The following BMERB1 variants were observed in gnomAD, a reference collection of about 807,000 sequenced individuals.
BMERB1 encodes bMERB domain-containing protein 1.
In BMERB1, 12 loss-of-function variants were observed where a neutral mutation model predicts 23.6. The observed-to-expected ratio is 0.51, with a 90% CI of 0.33 to 0.82. BMERB1 has a LOEUF of 0.82. Ranked by LOEUF, BMERB1 falls within the 40% of genes least tolerant of loss-of-function variation. BMERB1 has a pLI of 0.03. For missense variants in BMERB1, 247 were observed against 255.4 expected, an observed-to-expected ratio of 0.97 and a Z score of 0.22; for synonymous variants, 122 against 96.6, an observed-to-expected ratio of 1.26 and a Z score of -1.54.
intron 1 of BMERB1, among the ~76,000 whole-genome samples, chr16:15,497,269 G>A (rs547809480): frequency 7.9e-5 from 12 of 152,272 alleles, no homozygotes; most frequent in Admixed American, 1.3e-4. Flanking sequence ...TATACAGCAG[G>A]GAAGAGATGT....
At chr16:15,546,024 C>T (rs546831600) in intron 2 of BMERB1, among the ~76,000 whole-genome samples, 19 of 152,182 alleles carry the variant, frequency 1.2e-4, no homozygotes, top group African/African-American at 4.6e-4. Flanking sequence ...CAGGGGCTCA[C>T]GCCTGTAATC....
chr16:15,489,905 C>T (rs1030352634), intron 1 of BMERB1, among the ~76,000 whole-genome samples: 3 of 152,056 alleles, frequency 2.0e-5, no homozygotes, highest in South Asian at 2.1e-4. Flanking sequence ...CTTGCTCTGT[C>T]GCCCAGGCTG....
chr16:15,567,071 G>T (rs999014229), intron 2 of BMERB1, among the ~76,000 whole-genome samples: 13 of 152,030 alleles, frequency 8.6e-5, no homozygotes, highest in African/African-American at 2.9e-4. Flanking sequence ...GTAGGGGGCT[G>T]GGGTTGGGAG....
chr16:15,545,121 C>A (rs935053796), intron 2 of BMERB1, among the ~76,000 whole-genome samples: 1 of 152,056 alleles, frequency 6.6e-6, no homozygotes, highest in Non-Finnish European at 1.5e-5. Context: ...TATAGGCACC[C>A]GCCACCACGC....
At position 15,587,535 on chromosome 16, in the gene BMERB1, A is replaced by G. The variant is rs756607603; in HGVS notation, c.*706A>G. The G allele has an allele frequency of 8.8e-5, 40 of 452,462 alleles. No homozygotes were observed. Among genetic ancestry groups the G allele is most frequent in the Non-Finnish European group, 1.5e-4 (34 of 224,578 alleles). 28.0% of individuals were successfully genotyped at this position (452,462 alleles called of 1,614,324 possible). On this transcript the variant is annotated 3_prime_UTR_variant, in exon 6 of 6. Transcript: ENST00000300006. The stretch of plus-strand genomic sequence containing the variant: ...GTGCCTGGAGGGGGCCTGGACTGGC[A>G]TGGATCCAGTGTGCAGAAGAGCCAG...
chr16:15,541,821 C>G (rs2052085191), intron 2 of BMERB1, among the ~76,000 whole-genome samples: 1 of 151,434 alleles, frequency 6.6e-6, no homozygotes, highest in Admixed American at 6.6e-5. Flanking sequence ...CCAGGATGGT[C>G]TCGATCTCCT....
intron 1 of BMERB1, among the ~76,000 whole-genome samples, chr16:15,486,183 C>A (rs1279192030): frequency 7.6e-6 from 1 of 131,990 alleles, no homozygotes; most frequent in African/African-American, 2.8e-5. Context: ...GCCTGGGCAA[C>A]AGAGCAAGAC....
chr16:15,517,238 G>A (rs2051772266), intron 2 of BMERB1, among the ~76,000 whole-genome samples: 1 of 152,208 alleles, frequency 6.6e-6, no homozygotes, highest in African/African-American at 2.4e-5. Flanking sequence ...GCCAGGTGTG[G>A]TGGCTCACAT....
Position 15,484,038 on chromosome 16 carries a change from A to G in BMERB1, c.107-31267A>G, listed in dbSNP as rs185843038. 3.0e-3 allele frequency among the ~76,000 whole-genome samples: 452 copies of G among 152,348 alleles called. 5 individuals are homozygous for G. Among genetic ancestry groups the G allele is most frequent in the African/African-American group, 0.011 (437 of 41,582 alleles). The stretch of plus-strand genomic sequence containing the variant: ...GAAGGTGAAGGGGAACAGACATCAC[A>G]TGTCAAGAGAGAGGAAGAGAAAAGA... On this transcript the variant is annotated intron_variant, in intron 1 of 5. Transcript: ENST00000300006.
intron 2 of BMERB1, among the ~76,000 whole-genome samples, chr16:15,553,232 T>G (rs1018493083): frequency 7.2e-5 from 11 of 152,242 alleles, no homozygotes; most frequent in African/African-American, 2.7e-4. Context: ...GGTCTTGAAC[T>G]CGTGACCTGA....
intron 1 of BMERB1, among the ~76,000 whole-genome samples, chr16:15,470,953 C>G (rs928736746): frequency 8.1e-5 from 12 of 148,592 alleles, no homozygotes; most frequent in African/African-American, 2.7e-4. Flanking sequence ...TCTCCTGCCT[C>G]AGACTCCCGA....
intron 3 of BMERB1, among the ~76,000 whole-genome samples, chr16:15,572,672 C>A (rs912777192): frequency 6.6e-6 from 1 of 152,160 alleles, no homozygotes; most frequent in Non-Finnish European, 1.5e-5. Context: ...AACCCCAATG[C>A]AATTGATCTG....
intron 1 of BMERB1, among the ~76,000 whole-genome samples, chr16:15,459,875 G>C (rs1160980000): frequency 6.6e-6 from 1 of 152,172 alleles, no homozygotes; most frequent in African/African-American, 2.4e-5. Context: ...TTAAGAGCCC[G>C]TTTTAAACAT....
chr16:15,539,103 A>G (rs2052054832), intron 2 of BMERB1, among the ~76,000 whole-genome samples: 1 of 152,012 alleles, frequency 6.6e-6, no homozygotes, highest in African/African-American at 2.4e-5. Flanking sequence ...TAATTATACA[A>G]CTCACCATAA....
chr16:15,476,249 G>A (rs145230396), intron 1 of BMERB1, among the ~76,000 whole-genome samples: 330 of 144,952 alleles, frequency 2.3e-3, no homozygotes, highest in African/African-American at 5.2e-3. Flanking sequence ...TGCAGCCTCC[G>A]CCTCCCGGGT....
intron 2 of BMERB1, among the ~76,000 whole-genome samples, chr16:15,532,527 C>G (rs995043946): frequency 5.1e-5 from 7 of 137,878 alleles, no homozygotes; most frequent in African/African-American, 1.9e-4. Context: ...TATGCCCGGC[C>G]TTTTTTTTTT....
At chr16:15,489,323 A>G (rs188571893) in intron 1 of BMERB1, among the ~76,000 whole-genome samples, 244 of 152,322 alleles carry the variant, frequency 1.6e-3, no homozygotes, top group African/African-American at 5.7e-3. Flanking sequence ...ACACTGTGAC[A>G]TTTAGAATCT....
intron 1 of BMERB1, among the ~76,000 whole-genome samples, chr16:15,460,337 G>A (rs1467011506): frequency 2.0e-5 from 3 of 152,068 alleles, no homozygotes; most frequent in Non-Finnish European, 4.4e-5. Flanking sequence ...GCTAGAGAAG[G>A]GTCAGAGGAA....
chr16:15,449,824 G>A (rs2051026192), intron 1 of BMERB1, among the ~76,000 whole-genome samples: 2 of 151,910 alleles, frequency 1.3e-5, no homozygotes, highest in South Asian at 4.2e-4. Flanking sequence ...GGGATTACAG[G>A]CATGAACCAC....
Sources: gnomAD v4.1 joint callset for allele counts (sites outside exome capture counted in the v4.1 genomes callset) on GRCh38, gnomAD v4.1.1 for gene constraint, MANE v1.5 for transcripts, NCBI Gene and HGNC (gene_info 2026-07-23, HGNC 2026-07-21) for gene names.